The following ASH1L variants were observed in gnomAD, a reference collection of about 807,000 sequenced individuals.
ASH1L encodes the protein histone-lysine N-methyltransferase ASH1L.
ASH1L carries 23 observed loss-of-function variants against 269.0 expected under a neutral mutation model. The ratio of observed to expected loss-of-function variants is 0.09; its 90% confidence interval spans 0.06 to 0.12. ASH1L has a LOEUF of 0.12. Ranked by LOEUF, ASH1L falls within the 10% of genes least tolerant of loss-of-function variation. ASH1L has a pLI of 1.00. For synonymous variants in ASH1L, 1,187 were observed against 1,253.5 expected (o/e 0.95, Z 1.12); for missense variants, 2,912 against 3,567.8 (o/e 0.82, Z 4.68).
At chr1:155,392,950 A>G (rs1471918343) in intron 7 of ASH1L, among the ~76,000 whole-genome samples, 1 of 151,946 alleles carries the variant, frequency 6.6e-6, no homozygotes. Context: ...AGCCTCCCAA[A>G]GTGCTGGGAT....
At chr1:155,375,896 C>T (rs1356892743) in intron 10 of ASH1L, among the ~76,000 whole-genome samples, 4 of 151,892 alleles carry the variant, frequency 2.6e-5, no homozygotes, top group South Asian at 2.1e-4. Context: ...GGTTCAGGAC[C>T]GGCCTCGGCT....
At chr1:155,385,752 G>A (rs1366395108) in intron 7 of ASH1L, among the ~76,000 whole-genome samples, 1 of 152,184 alleles carries the variant, frequency 6.6e-6, no homozygotes, top group Non-Finnish European at 1.5e-5. Context: ...TTCTGAAACT[G>A]CTCCAGCAGA....
chr1:155,544,137 C>T (rs183658148), intron 1 of ASH1L, among the ~76,000 whole-genome samples: 83 of 152,128 alleles, frequency 5.5e-4, no homozygotes, highest in Non-Finnish European at 9.0e-4. Context: ...CTCCTGGCCT[C>T]AAGCAATCCT....
chr1:155,555,918 A>C (rs1301195626), intron 1 of ASH1L, among the ~76,000 whole-genome samples: 2 of 101,370 alleles, frequency 2.0e-5, no homozygotes, highest in African/African-American at 5.2e-5. Context: ...ATTATACAAT[A>C]ACTGGAAGAT....
At chr1:155,406,178 T>C (rs1456684027) in intron 6 of ASH1L, among the ~76,000 whole-genome samples, 3 of 132,286 alleles carry the variant, frequency 2.3e-5, no homozygotes, top group Non-Finnish European at 4.6e-5. Flanking sequence ...CACTCCAGCC[T>C]GGGCGACAGA....
intron 7 of ASH1L, among the ~76,000 whole-genome samples, chr1:155,392,174 A>G (rs554507836): frequency 5.9e-5 from 9 of 152,242 alleles, no homozygotes; most frequent in African/African-American, 1.7e-4. Flanking sequence ...AGTTACCTAG[A>G]TAAGTGGCTT....
rs373051450 is a variant in ASH1L at position 155,480,370 on chromosome 1, T to C, written c.2500A>G (p.Lys834Glu). ...YKPKRGRPKS[K>E]EMPQLEGPPK... is the part of the protein sequence containing the mutation. ...GGCCCTTCCAGTTGAGGCATCTCCTTAGATTTAGGCCTTCCTCTTTTGGGC... is the reference window on the plus strand; with the variant it reads ...GGCCCTTCCAGTTGAGGCATCTCCTCAGATTTAGGCCTTCCTCTTTTGGGC... Residue 834 changes from lysine to glutamate, a missense_variant, in exon 3 of 28, where the codon AAG (lysine) becomes GAG (glutamate). Transcript: ENST00000392403. 49 of 1,613,858 alleles carry C rather than the reference T, an allele frequency of 3.0e-5. No homozygotes were observed. Among genetic ancestry groups the C allele is most frequent in the Non-Finnish European group, 4.1e-5 (48 of 1,179,850 alleles).
chr1:155,514,788 A>C (rs1447627511), intron 2 of ASH1L, among the ~76,000 whole-genome samples: 1 of 152,164 alleles, frequency 6.6e-6, no homozygotes, highest in Non-Finnish European at 1.5e-5. Context: ...TCAGAAGCTC[A>C]CAACAACTGA....
At chr1:155,344,396 CA>C in intron 21 of ASH1L, 123 bp from the exon 22 acceptor site, 2 of 700,076 alleles carry the variant, frequency 2.9e-6, no homozygotes, top group Non-Finnish European at 2.4e-6. Flanking sequence ...CACAGATATA[CA>C]AAAAAGATGA....
intron 6 of ASH1L, among the ~76,000 whole-genome samples, chr1:155,411,314 T>C (rs1165261518): frequency 6.6e-6 from 1 of 151,854 alleles, no homozygotes; most frequent in Non-Finnish European, 1.5e-5. Context: ...GAATAAACCA[T>C]TTTCTTCCTA....
chr1:155,539,686 G>T (rs149487109), intron 1 of ASH1L, among the ~76,000 whole-genome samples: 2,353 of 151,904 alleles, frequency 0.015, 52 homozygotes, highest in African/African-American at 0.054. Context: ...GGGCTCAAAC[G>T]ATCTTCCAGC....
chr1:155,500,568 G>GAA (rs199674167), intron 2 of ASH1L, among the ~76,000 whole-genome samples: 1 of 147,040 alleles, frequency 6.8e-6, no homozygotes, highest in South Asian at 2.2e-4. Flanking sequence ...TAGGCATAAG[G>GAA]AAAAAAAAAA....
chr1:155,534,037 A>T (rs1192594722), intron 1 of ASH1L, among the ~76,000 whole-genome samples: 1 of 151,268 alleles, frequency 6.6e-6, no homozygotes, highest in Non-Finnish European at 1.5e-5. Context: ...TTTCCTTTAA[A>T]TTTTTTTATT....
intron 1 of ASH1L, among the ~76,000 whole-genome samples, chr1:155,542,583 A>C (rs1021728657): frequency 1.3e-5 from 2 of 151,906 alleles, no homozygotes; most frequent in African/African-American, 4.8e-5. Flanking sequence ...TTTGGCGATG[A>C]TTACAGCCTG....
rs12034526 is a variant in ASH1L at position 155,445,022 on chromosome 1, T to G, written c.5087-5954A>C. On this transcript the variant is annotated intron_variant, in intron 4 of 27. Transcript: ENST00000392403. ...TTTCCTATTCTTCTAAAAGTTTTAT[T>G]ATTTCCGAAATTTCATAGGGGTATA... is the stretch of plus-strand genomic sequence containing the variant. 3.6e-3 allele frequency among the ~76,000 whole-genome samples: 544 copies of G among 152,266 alleles called. 14 individuals carry two copies. In the East Asian group the frequency reaches 0.073, roughly 20 times the overall value.
At chr1:155,475,874 T>A (rs1665497452) in intron 3 of ASH1L, among the ~76,000 whole-genome samples, 1 of 152,212 alleles carries the variant, frequency 6.6e-6, no homozygotes, top group African/African-American at 2.4e-5. Context: ...ACAGTCCTTA[T>A]CACAATTTTA....
At position 155,438,850 on chromosome 1, in the gene ASH1L, C is replaced by T. The variant is rs898562429; in HGVS notation, c.5305G>A (p.Ala1769Thr). The part of the protein sequence containing the change: ...LGKPDSLLVP[A>T]VTSDSCNNSI... Reference sequence around the variant, plus strand: ...TTATTGCAAGAGTCACTTGTGACTGCAGGCACTAAAAGGCTGTCTGGTTTT... The same window carrying T: ...TTATTGCAAGAGTCACTTGTGACTGTAGGCACTAAAAGGCTGTCTGGTTTT... The change falls in exon 5 of 28, where the codon GCA becomes ACA. Residue 1769 changes from alanine (A) to threonine (T), a missense_variant. Around this residue, in one of 13 missense-constraint regions of ASH1L, gnomAD observed 789 missense variants for 897.6 expected, o/e 0.88. Coordinates refer to ENST00000392403, the MANE Select transcript of ASH1L (RefSeq NM_018489.3). The T allele has an allele frequency of 6.2e-7, 1 of 1,614,056 alleles. No individual in the cohort carries two copies. Among genetic ancestry groups the T allele is most frequent in the Admixed American group, 1.7e-5 (1 of 59,992 alleles).
chr1:155,465,309 AAAAC>A (rs1236526587), intron 3 of ASH1L, among the ~76,000 whole-genome samples: 1 of 151,432 alleles, frequency 6.6e-6, no homozygotes, highest in Non-Finnish European at 1.5e-5. Flanking sequence ...AAAAAAAAAA[AAAAC>A]AGTGAATTAA....
At chr1:155,405,988 G>C (rs1432062911) in intron 6 of ASH1L, among the ~76,000 whole-genome samples, 1 of 151,944 alleles carries the variant, frequency 6.6e-6, no homozygotes, top group South Asian at 2.1e-4. Context: ...TGGATCACTT[G>C]AGGTCCGGAG....
Sources: gnomAD v4.1 joint callset for allele counts (sites outside exome capture counted in the v4.1 genomes callset) on GRCh38, gnomAD v4.1.1 for gene constraint, gnomAD v4.1.1 regional missense constraint, MANE v1.5 for transcripts, NCBI Gene and HGNC (gene_info 2026-07-23, HGNC 2026-07-21) for gene names.